The following FEZ1 variants were observed in gnomAD, a reference collection of about 807,000 sequenced individuals.
FEZ1 encodes fasciculation and elongation protein zeta 1.
FEZ1 carries 20 observed loss-of-function variants against 49.3 expected under a neutral mutation model. The ratio of observed to expected loss-of-function variants is 0.41; its 90% CI spans 0.29 to 0.59. The LOEUF (loss-of-function observed/expected upper bound fraction) is 0.59. Ranked by LOEUF, FEZ1 falls within the 20% of genes least tolerant of loss-of-function variation. FEZ1 has a pLI of 0.36. For missense variants in FEZ1, 413 were observed against 476.0 expected (o/e 0.87, Z 1.23); for synonymous variants, 170 against 180.9 (o/e 0.94, Z 0.48).
intron 2 of FEZ1, among the ~76,000 whole-genome samples, chr11:125,486,895 T>C (rs993057418): frequency 6.6e-5 from 10 of 152,268 alleles, no homozygotes; most frequent in African/African-American, 1.2e-4. Context: ...AATTCTGATT[T>C]TTATTTTAAA....
At chr11:125,474,383 G>T (rs1957211023) in intron 3 of FEZ1, among the ~76,000 whole-genome samples, 1 of 151,608 alleles carries the variant, frequency 6.6e-6, no homozygotes, top group Non-Finnish European at 1.5e-5. Context: ...GCCCAGTCTG[G>T]TCTTTAACTC....
chr11:125,493,433 GGAAA>G (rs1957413197), intron 1 of FEZ1, among the ~76,000 whole-genome samples: 12 of 32,342 alleles, frequency 3.7e-4, no homozygotes, highest in Middle Eastern at 0.012. Flanking sequence ...AAGGAAAGAA[GGAAA>G]GAAGGAAAGA....
chr11:125,457,080 G>C (rs1957017306), intron 5 of FEZ1, among the ~76,000 whole-genome samples: 1 of 151,924 alleles, frequency 6.6e-6, no homozygotes, highest in African/African-American at 2.4e-5. Flanking sequence ...CTATTCGGCA[G>C]AGTGAGGCAG....
chr11:125,493,362 AAAAG>A (rs555223569), intron 1 of FEZ1, among the ~76,000 whole-genome samples: 2,158 of 49,282 alleles, frequency 0.044, 225 homozygotes, highest in East Asian at 0.06. Context: ...AGAAAGAGAG[AAAAG>A]AAAGAAAGAA....
chr11:125,478,456 A>T (rs1261663582), intron 3 of FEZ1, among the ~76,000 whole-genome samples: 6 of 152,102 alleles, frequency 3.9e-5, no homozygotes, highest in South Asian at 2.1e-4. Flanking sequence ...AATAAAAAAA[A>T]TTGTTTTAAA....
chr11:125,456,824 T>A (rs761225438), intron 5 of FEZ1, among the ~76,000 whole-genome samples: 1 of 152,210 alleles, frequency 6.6e-6, no homozygotes, highest in African/African-American at 2.4e-5. Context: ...TTTTTCTGTT[T>A]ACATGTTATA....
chr11:125,482,313 T>C (rs923988241), intron 2 of FEZ1, among the ~76,000 whole-genome samples: 1 of 152,194 alleles, frequency 6.6e-6, no homozygotes, highest in Non-Finnish European at 1.5e-5. Context: ...AAATCCTGCA[T>C]TGTGTCATTC....
chr11:125,445,648 T>TGCCACAG lies in FEZ1; in HGVS notation c.*440_*446dup, dbSNP rs1355254077. The TGCCACAG allele has an allele frequency of 5.6e-5, 17 of 302,678 alleles. No homozygotes were observed. The highest frequency in any genetic ancestry group is 4.8e-4 in the South Asian group (16 of 33,054). The allele number at this position is 302,678 out of a possible 1,614,324, so 18.7% of individuals were successfully genotyped here. A position where few individuals can be genotyped will look rare whatever the true frequency, so the allele number is the denominator to read the frequency against. ...CCCGGTCCCTAAACACAGCACTGGC[T>TGCCACAG]GCCACAGGCCACAGGCCGGCGTGCA... is the stretch of plus-strand genomic sequence containing the variant. On this transcript the variant is annotated 3_prime_UTR_variant, in exon 10 of 10. Coordinates refer to ENST00000278919, the MANE Select transcript of FEZ1 (RefSeq NM_005103.5). The surrounding 1 kb of genome is among the most constrained non-coding windows in gnomAD (Gnocchi z 4.4).
chr11:125,449,499 T>A (rs1255875415), intron 8 of FEZ1, among the ~76,000 whole-genome samples: 2 of 146,232 alleles, frequency 1.4e-5, no homozygotes, highest in African/African-American at 2.5e-5. Context: ...GACATAGTTA[T>A]CAGTGAAGAA....
In FEZ1 at chr11:125,445,835, C is replaced by T. The variant is rs1956893234; in HGVS notation, c.*260G>A. 2.1e-5 allele frequency: 11 copies of T among 520,656 alleles called. No homozygotes were observed. The highest frequency in any genetic ancestry group is 1.1e-3 in the Middle Eastern group (2 of 1,844). The allele number at this position is 520,656 out of a possible 1,614,324, so 32.3% of individuals were successfully genotyped here. A position where few individuals can be genotyped will look rare whatever the true frequency, so the allele number is the denominator to read the frequency against. Reference sequence around the variant, plus strand: ...GGCTGTAGCCAGACTACATAATGAGCGGTGAAAGCGGCTGCCTTCCCCTCT... The same window carrying T: ...GGCTGTAGCCAGACTACATAATGAGTGGTGAAAGCGGCTGCCTTCCCCTCT... On this transcript the variant is annotated 3_prime_UTR_variant, in exon 10 of 10. Transcript: ENST00000278919. The surrounding 1 kb of genome is among the most constrained non-coding windows in gnomAD (Gnocchi z 4.4).
intron 3 of FEZ1, among the ~76,000 whole-genome samples, chr11:125,470,414 G>A (rs1420453014): frequency 1.1e-4 from 16 of 152,170 alleles, no homozygotes; most frequent in Admixed American, 1.0e-3. Flanking sequence ...ATAGAATTAT[G>A]GGCGGGGAAA....
intron 1 of FEZ1, among the ~76,000 whole-genome samples, chr11:125,493,379 AAAGAAAG>A (rs1327860277): frequency 2.3e-5 from 1 of 44,176 alleles, no homozygotes; most frequent in African/African-American, 1.0e-4. Context: ...AGAAAGAAAG[AAAGAAAG>A]AAAGAAAGAA....
At chr11:125,446,320 C>A (rs1352023367) in intron 9 of FEZ1, among the ~76,000 whole-genome samples, 2 of 150,560 alleles carry the variant, frequency 1.3e-5, no homozygotes, top group Non-Finnish European at 3.0e-5. Flanking sequence ...GAGTTCAAAT[C>A]CTGGATCCAG....
At position 125,477,339 on chromosome 11, in the gene FEZ1, CA is replaced by C. The variant is rs34551090; in HGVS notation, c.411+4194del. ...CAAAACCCTGTTTCTACCAAAAATACAAAAAAAAAAAAAAAATTAGCTGAGC... is the reference window on the plus strand; with the variant it reads ...CAAAACCCTGTTTCTACCAAAAATACAAAAAAAAAAAAAAATTAGCTGAGC... On this transcript the variant is annotated intron_variant, in intron 3 of 9. Transcript: ENST00000278919. 7.0e-3 allele frequency among the ~76,000 whole-genome samples: 937 copies of C among 133,258 alleles called. 6 individuals carry two copies. The highest frequency in any genetic ancestry group is 0.025 in the Middle Eastern group (7 of 276). The allele number at this position is 133,258 out of a possible 152,430, so 87.4% of individuals were successfully genotyped here.
intron 9 of FEZ1, 122 bp from the exon 10 acceptor site, chr11:125,446,233 T>G: frequency 1.2e-6 from 1 of 856,004 alleles, no homozygotes; most frequent in Non-Finnish European, 2.0e-6. Flanking sequence ...CAGCCCCCAC[T>G]TAGTGCCTAG....
At chr11:125,477,594 C>G (rs147022179) in intron 3 of FEZ1, among the ~76,000 whole-genome samples, 2 of 152,144 alleles carry the variant, frequency 1.3e-5, no homozygotes, top group Non-Finnish European at 2.9e-5. Context: ...CAAGCCCTGC[C>G]GCCTCTACCT....
chr11:125,489,688 G>A lies in FEZ1; in HGVS notation c.90C>T (p.Phe30=), dbSNP rs1957363401. 1 of 1,613,752 alleles carries A rather than the reference G, an allele frequency of 6.2e-7. No homozygotes were observed. Among genetic ancestry groups the A allele is most frequent in the South Asian group, 1.1e-5 (1 of 91,018 alleles). ...SEDPEEKPQC[F]YGSSPHHLED... ...CGAGATGGTGGGGAGATGAACCATAGAAACACTGGGGCTTCTCCTCCGGGT... is the reference window on the plus strand; with the variant it reads ...CGAGATGGTGGGGAGATGAACCATAAAAACACTGGGGCTTCTCCTCCGGGT... The change falls in exon 2 of 10, where the codon TTC becomes TTT. Residue 30 remains phenylalanine (F), a synonymous_variant. Coordinates refer to ENST00000278919, the MANE Select transcript of FEZ1 (RefSeq NM_005103.5). This position sits in a 1 kb window ranked among gnomAD's most constrained non-coding sequence, Gnocchi z 4.2.
chr11:125,464,423 C>T (rs978744681), intron 3 of FEZ1, among the ~76,000 whole-genome samples: 2 of 152,036 alleles, frequency 1.3e-5, no homozygotes, highest in Non-Finnish European at 2.9e-5. Context: ...CTGATTTGAA[C>T]GTCATACAAG....
intron 8 of FEZ1, among the ~76,000 whole-genome samples, chr11:125,449,922 C>T (rs907613252): frequency 9.9e-5 from 15 of 152,100 alleles, no homozygotes; most frequent in Non-Finnish European, 4.4e-5. Context: ...GAGACTCAAC[C>T]TGAGGCCATT....
Sources: gnomAD v4.1 joint callset for allele counts (sites outside exome capture counted in the v4.1 genomes callset) on GRCh38, gnomAD v4.1.1 for gene constraint, Gnocchi (gnomAD v3.1) non-coding constraint, MANE v1.5 for transcripts, NCBI Gene and HGNC (gene_info 2026-07-23, HGNC 2026-07-21) for gene names.